The following KIDINS220 variants were observed in gnomAD, a reference collection of about 807,000 sequenced individuals.
KIDINS220 encodes kinase D interacting substrate 220.
KIDINS220 carries 63 observed loss-of-function variants against 157.6 expected under a neutral mutation model. The observed-to-expected ratio is 0.40, with a 90% CI of 0.33 to 0.49. The LOEUF is 0.49. Among genes scored for constraint, KIDINS220 ranks in the 20% least tolerant of loss-of-function variants. The probability of loss-of-function intolerance (pLI) is 0.66; values close to 1 mark genes in which losing one functional copy is unlikely to be tolerated. For synonymous variants in KIDINS220, 732 were observed against 783.6 expected (o/e 0.93, Z 1.10); for missense variants, 1,772 against 2,171.2 (o/e 0.82, Z 3.65).
Position 8,730,548 on chromosome 2 carries a change from G to GCTT in KIDINS220, c.*169_*171dup, listed in dbSNP as rs1663901223. ...CCACAGAGGCTGGCTGGTGAGCCAT[G>GCTT]CTTCTCATGCTCCCTTCTGTCACAC... On this transcript the variant is annotated 3_prime_UTR_variant, in exon 30 of 30. Transcript: ENST00000256707. 7.0e-7 allele frequency: 1 copy of GCTT among 1,429,734 alleles called. No homozygotes were observed. Among genetic ancestry groups the GCTT allele is most frequent in the Non-Finnish European group, 9.1e-7 (1 of 1,099,340 alleles). 88.6% of individuals were successfully genotyped at this position (1,429,734 alleles called of 1,614,324 possible).
At chr2:8,813,141 T>G in intron 5 of KIDINS220, 96 bp downstream of exon 5, 1 of 687,130 alleles carries the variant, frequency 1.5e-6, no homozygotes, top group East Asian at 2.7e-5. Flanking sequence ...TAAAGAATAT[T>G]TCTACCCACC....
In KIDINS220 at chr2:8,729,231, C is replaced by CA; in HGVS notation, c.*1488dup. 2 of 985,320 alleles carry CA rather than the reference C, an allele frequency of 2.0e-6. No individual in the cohort carries two copies. Among genetic ancestry groups the CA allele is most frequent in the Non-Finnish European group, 1.2e-6 (1 of 829,760 alleles). 61.0% of individuals were successfully genotyped at this position (985,320 alleles called of 1,614,324 possible). On this transcript the variant is annotated 3_prime_UTR_variant, in exon 30 of 30. Transcript: ENST00000256707. Reference sequence around the variant, plus strand: ...CTGTATTAAAATGCTAGATTACACTCAAACATCAAGGCAATGAAACACAAA... The same window carrying CA: ...CTGTATTAAAATGCTAGATTACACTCAAAACATCAAGGCAATGAAACACAAA...
downstream of KIDINS220, among the ~76,000 whole-genome samples, chr2:8,728,687 C>T (rs1029930821): frequency 2.0e-5 from 3 of 152,242 alleles, no homozygotes; most frequent in African/African-American, 7.2e-5. Flanking sequence ...CTGCTGGGCG[C>T]TAGCATGCTG....
Position 8,778,716 on chromosome 2 carries a change from C to A in KIDINS220, c.2626G>T (p.Asp876Tyr). ...TTCTGTGAAACTCTTCTGTCAGCATCTTCCTGTATCCCTTAAATAATTTAT... is the reference window on the plus strand; with the variant it reads ...TTCTGTGAAACTCTTCTGTCAGCATATTCCTGTATCCCTTAAATAATTTAT... The part of the protein sequence containing the change: ...PCSDTTGIQE[D>Y]ADRRVSQNSL... Residue 876 changes from aspartate to tyrosine, a missense_variant, in exon 20 of 30, where the codon GAT becomes TAT. This residue lies in a region of KIDINS220 where 725 missense variants were observed against 1,017.1 expected (regional missense o/e 0.71). Transcript: ENST00000256707. The A allele has an allele frequency of 1.2e-6, 2 of 1,613,870 alleles. No homozygotes were observed. The highest frequency in any genetic ancestry group is 4.5e-5 in the East Asian group (2 of 44,882).
chr2:8,824,043 T>G (rs1678395667), intron 2 of KIDINS220, among the ~76,000 whole-genome samples: 1 of 151,842 alleles, frequency 6.6e-6, no homozygotes, highest in African/African-American at 2.4e-5. Context: ...AGTTCAAATA[T>G]GGACTCTACC....
rs568339666 is a variant in KIDINS220, at chr2:8,820,756, C to T, written c.109-1963G>A. Among the ~76,000 whole-genome samples the T allele has an allele frequency of 8.5e-5, 13 of 152,212 alleles. No individual in the cohort carries two copies. In the East Asian group the frequency reaches 2.3e-3, roughly 27 times the overall value. On this transcript the variant is annotated intron_variant, in intron 2 of 29. Coordinates refer to ENST00000256707, the MANE Select transcript of KIDINS220 (RefSeq NM_020738.4). Reference sequence around the variant, plus strand: ...AATCATCACTCTGAAAAGCTATGCACGTACTGCTAGTTATTAAGCAGATGG... The same window carrying T: ...AATCATCACTCTGAAAAGCTATGCATGTACTGCTAGTTATTAAGCAGATGG...
intron 6 of KIDINS220, among the ~76,000 whole-genome samples, chr2:8,806,581 C>T (rs1675488075): frequency 6.6e-6 from 1 of 152,028 alleles, no homozygotes; most frequent in South Asian, 2.1e-4. Context: ...TTTAACCAAC[C>T]TTATTTAACC....
At chr2:8,778,031 G>A (rs1343249557) in intron 20 of KIDINS220, among the ~76,000 whole-genome samples, 3 of 152,206 alleles carry the variant, frequency 2.0e-5, no homozygotes, top group Non-Finnish European at 4.4e-5. Flanking sequence ...TTCACTGAGT[G>A]TGAGTGGCAC....
intron 11 of KIDINS220, among the ~76,000 whole-genome samples, chr2:8,795,349 A>G (rs923341469): frequency 2.0e-5 from 3 of 152,358 alleles, no homozygotes; most frequent in Admixed American, 1.3e-4. Flanking sequence ...TGAGAAGACA[A>G]AACAGTAGCA....
At chr2:8,768,012 A>G (rs1669695662) in intron 22 of KIDINS220, among the ~76,000 whole-genome samples, 1 of 152,204 alleles carries the variant, frequency 6.6e-6, no homozygotes, top group Non-Finnish European at 1.5e-5. Context: ...TATTCTGACC[A>G]TATCATGGCC....
chr2:8,769,565 C>T (rs1267438951), intron 22 of KIDINS220, among the ~76,000 whole-genome samples: 2 of 151,990 alleles, frequency 1.3e-5, no homozygotes, highest in Admixed American at 6.6e-5. Context: ...ATATAACATG[C>T]GAAAAATAAA....
At chr2:8,795,002 C>CTTAAA (rs761926574) in intron 11 of KIDINS220, among the ~76,000 whole-genome samples, 4 of 152,186 alleles carry the variant, frequency 2.6e-5, no homozygotes, top group Non-Finnish European at 5.9e-5. Context: ...AGTTGCTGAC[C>CTTAAA]TTAAGTAGCT....
rs1045077932 is a variant in KIDINS220 at position 8,813,651 on chromosome 2, C to T, written c.307-316G>A. On this transcript the variant is annotated intron_variant, in intron 4 of 29. Transcript: ENST00000256707. The stretch of plus-strand genomic sequence containing the variant: ...CAAAAATATTTCTTCAGGCTGGGTG[C>T]GGTGGCTCATGCCTGTAATCCCAGC... Among the ~76,000 whole-genome samples, 14 of 152,158 alleles carry T rather than the reference C, an allele frequency of 9.2e-5. 1 individual carries two copies. The highest frequency in any genetic ancestry group is 8.5e-4 in the Admixed American group (13 of 15,276).
chr2:8,826,501 G>C (rs1678832075), intron 2 of KIDINS220, among the ~76,000 whole-genome samples: 1 of 152,190 alleles, frequency 6.6e-6, no homozygotes, highest in Non-Finnish European at 1.5e-5. Flanking sequence ...CCAGCTACTA[G>C]GGAGGCTGAG....
intron 16 of KIDINS220, 72 bp from the exon 17 acceptor site, chr2:8,786,102 T>A (rs1672362245): frequency 4.5e-6 from 7 of 1,555,724 alleles, no homozygotes; most frequent in Admixed American, 3.6e-5. Flanking sequence ...ATAGTCACAA[T>A]ACCTGATGAG....
chr2:8,730,886 G>C lies in KIDINS220; in HGVS notation c.5150C>G (p.Ser1717Cys). 6.2e-7 allele frequency: 1 copy of C among 1,614,154 alleles called. No individual in the cohort carries two copies. Among genetic ancestry groups the C allele is most frequent in the Non-Finnish European group, 8.5e-7 (1 of 1,180,024 alleles). Residue 1717 changes from serine to cysteine, a missense_variant, in exon 30 of 30, where the codon TCC becomes TGC. This residue lies in a region of KIDINS220 where 793 missense variants were observed against 885.5 expected (regional missense o/e 0.90). Transcript: ENST00000256707. ...ETSQVILRPS[S>C]SPNPTTIQNE... The stretch of plus-strand genomic sequence containing the variant: ...CTGAATAGTGGTTGGGTTGGGACTG[G>C]AACTAGGCCTCAAAATGACTTGAGA...
chr2:8,748,663 T>G (rs901017816), intron 24 of KIDINS220, among the ~76,000 whole-genome samples: 7 of 152,208 alleles, frequency 4.6e-5, no homozygotes, highest in African/African-American at 1.7e-4. Context: ...AGACTGCAGT[T>G]CATAAGGTTT....
chr2:8,807,246 T>C (rs1382318120), intron 6 of KIDINS220, among the ~76,000 whole-genome samples: 3 of 152,180 alleles, frequency 2.0e-5, no homozygotes, highest in Non-Finnish European at 2.9e-5. Flanking sequence ...TGAAACATGA[T>C]TCAAAAGGCA....
At chr2:8,783,317 A>G (rs1671958821) in intron 17 of KIDINS220, among the ~76,000 whole-genome samples, 1 of 152,238 alleles carries the variant, frequency 6.6e-6, no homozygotes, top group South Asian at 2.1e-4. Context: ...TAAACTAGAA[A>G]TAGAGAGGAA....
Sources: allele counts gnomAD v4.1 joint callset (sites outside exome capture counted in the v4.1 genomes callset), GRCh38; gene constraint gnomAD v4.1.1; regional missense constraint gnomAD v4.1.1; transcripts MANE v1.5; gene names NCBI Gene and HGNC (gene_info 2026-07-23, HGNC 2026-07-21).